Variants in MED12L observed in about 807,000 individuals in gnomAD.
The protein encoded by MED12L is mediator of RNA polymerase II transcription subunit 12-like protein.
A neutral mutation model predicts 281.3 loss-of-function variants in MED12L; 60 were observed. That is an observed-to-expected ratio of 0.21 (90% CI 0.17 to 0.26). The LOEUF is 0.26. Among genes scored for constraint, MED12L ranks in the 10% least tolerant of loss-of-function variants. The probability of loss-of-function intolerance (pLI) is 1.00; values close to 1 mark genes in which losing one functional copy is unlikely to be tolerated. For synonymous variants in MED12L, 974 were observed against 987.2 expected (o/e 0.99, Z 0.25); for missense variants, 2,146 against 2,680.9 (o/e 0.80, Z 4.41).
At chr3:151,324,562 A>G (rs930707967) in intron 16 of MED12L, among the ~76,000 whole-genome samples, 2 of 152,224 alleles carry the variant, frequency 1.3e-5, no homozygotes, top group Admixed American at 1.3e-4. Context: ...ATTCCTGCAG[A>G]TGGCAAGCTC....
At chr3:151,198,484 G>A in intron 16 of MED12L, 1 of 1,611,908 alleles carries the variant, frequency 6.2e-7, no homozygotes, top group Non-Finnish European at 8.5e-7. Context: ...CTTTAGGTGA[G>A]GCAAAAGTCT....
rs552295782 is a variant in MED12L at position 151,228,313 on chromosome 3, A to G, written c.2250+34647A>G. Among the ~76,000 whole-genome samples, 4 of 146,844 alleles carry G rather than the reference A, an allele frequency of 2.7e-5. No homozygotes were observed. In the East Asian group the frequency reaches 6.1e-4, roughly 22 times the overall value. ...TGTCTAAAATGAGGGGAGAAGTAGT[A>G]GCTACCTCAGCTACATCTAGGGTTC... On this transcript the variant is annotated intron_variant, in intron 16 of 44. Coordinates refer to ENST00000687756, the MANE Select transcript of MED12L (RefSeq NM_001393769.1).
chr3:151,429,462 G>A (rs562571095), intron 43 of MED12L, among the ~76,000 whole-genome samples: 2 of 152,280 alleles, frequency 1.3e-5, no homozygotes, highest in East Asian at 3.9e-4. Context: ...GAAGAGGGTT[G>A]GAGGAGGAGA....
chr3:151,397,912 A>C (rs1055439314), intron 39 of MED12L, among the ~76,000 whole-genome samples: 2 of 152,220 alleles, frequency 1.3e-5, no homozygotes, highest in African/African-American at 4.8e-5. Context: ...GGAATTCAGC[A>C]GATGCTTTTA....
chr3:151,318,955 C>T (rs1346502238), intron 16 of MED12L, among the ~76,000 whole-genome samples: 1 of 152,090 alleles, frequency 6.6e-6, no homozygotes, highest in Non-Finnish European at 1.5e-5. Flanking sequence ...TTTCCTTTCC[C>T]AATACCTCTG....
chr3:151,377,411 T>C (rs768252568), intron 30 of MED12L, among the ~76,000 whole-genome samples: 37 of 152,218 alleles, frequency 2.4e-4, no homozygotes, highest in Non-Finnish European at 4.7e-4. Flanking sequence ...TCAGGTTTGG[T>C]TCATGCTTTC....
intron 15 of MED12L, among the ~76,000 whole-genome samples, chr3:151,192,862 C>T (rs1448882938): frequency 6.6e-6 from 1 of 152,144 alleles, no homozygotes; most frequent in African/African-American, 2.4e-5. Flanking sequence ...TGGAACACTC[C>T]TGTCCTCCTG....
chr3:151,122,035 A>G (rs1713839743), intron 3 of MED12L, among the ~76,000 whole-genome samples: 1 of 152,058 alleles, frequency 6.6e-6, no homozygotes, highest in Non-Finnish European at 1.5e-5. Flanking sequence ...ATTTTTAGAT[A>G]TTACTTTGTT....
chr3:151,262,979 G>T (rs1739180417), intron 16 of MED12L, among the ~76,000 whole-genome samples: 1 of 152,112 alleles, frequency 6.6e-6, no homozygotes, highest in African/African-American at 2.4e-5. Context: ...GTTCTCTAGG[G>T]CATCTTAACA....
intron 2 of MED12L, among the ~76,000 whole-genome samples, chr3:151,094,373 G>A (rs953459279): frequency 2.6e-5 from 4 of 152,172 alleles, no homozygotes; most frequent in African/African-American, 9.7e-5. Flanking sequence ...CTCTTGAGCA[G>A]TGAAGGAAGG....
In MED12L at chr3:151,132,354, T is replaced by C. The variant is rs114193147; in HGVS notation, c.556+4370T>C. Among the ~76,000 whole-genome samples, 842 of 152,320 alleles carry C rather than the reference T, an allele frequency of 5.5e-3. 10 individuals are homozygous for C. Among genetic ancestry groups the C allele is most frequent in the African/African-American group, 0.019 (794 of 41,562 alleles). On this transcript the variant is annotated intron_variant, in intron 5 of 44. Transcript: ENST00000687756. ...TCTGTGTTGCCTTTGTCATGTTTTT[T>C]TAGTTGTCTTTAATCTAGAACAGTT...
chr3:151,248,707 A>G (rs1736249745), intron 16 of MED12L, among the ~76,000 whole-genome samples: 1 of 152,172 alleles, frequency 6.6e-6, no homozygotes. Context: ...GACTTGGTTT[A>G]TTACTTGAAT....
In MED12L at chr3:151,372,642, A is replaced by G. The variant is rs750683088; in HGVS notation, c.3740A>G (p.Asp1247Gly). ...TTCACCATGAGAGGTTTGCGATGTG[A>G]TGGGAATGCTGATGATATCTGGACT... ...DDFTMRGLRC[D>G]GNADDIWTAS... Residue 1247 changes from aspartate (D) to glycine (G), a missense_variant, in exon 27 of 45, where the codon GAT (aspartate) becomes GGT (glycine). Transcript: ENST00000687756. 72 of 1,613,820 alleles carry G rather than the reference A, an allele frequency of 4.5e-5. No homozygotes were observed. The highest frequency in any genetic ancestry group is 1.6e-4 in the Middle Eastern group (1 of 6,080).
intron 44 of MED12L, among the ~76,000 whole-genome samples, chr3:151,432,222 ATGCATG>A (rs1719614264): frequency 6.6e-6 from 1 of 152,204 alleles, no homozygotes; most frequent in Non-Finnish European, 1.5e-5. Context: ...TTGTTTCTGT[ATGCATG>A]TGCAGGCATG....
At chr3:151,207,233 T>A (rs1033855860) in intron 16 of MED12L, among the ~76,000 whole-genome samples, 1 of 152,158 alleles carries the variant, frequency 6.6e-6, no homozygotes, top group Non-Finnish European at 1.5e-5. Flanking sequence ...ATGTGAATAT[T>A]TCTTGATCAA....
intron 16 of MED12L, among the ~76,000 whole-genome samples, chr3:151,311,138 A>G (rs1747439152): frequency 6.6e-6 from 1 of 152,194 alleles, no homozygotes; most frequent in Non-Finnish European, 1.5e-5. Context: ...TTGCAATTTC[A>G]TATAGACTGT....
intron 5 of MED12L, among the ~76,000 whole-genome samples, chr3:151,141,189 T>TTTTTTTTTTTTG (rs1716959466): frequency 1.4e-5 from 2 of 138,048 alleles, no homozygotes; most frequent in Admixed American, 7.3e-5. Context: ...TTTTTTTTGT[T>TTTTTTTTTTTTG]TTTTTTTTTT....
chr3:151,378,822 T>G lies in MED12L; in HGVS notation c.4478+649T>G, dbSNP rs150216174. 5.9e-4 allele frequency among the ~76,000 whole-genome samples: 90 copies of G among 152,352 alleles called. 1 individual carries two copies. The highest frequency in any genetic ancestry group is 2.1e-3 in the African/African-American group (89 of 41,588). On this transcript the variant is annotated intron_variant, in intron 31 of 44. Transcript: ENST00000687756. ...AAAATATTTTAAGCACATAGATTTC[T>G]TGTCCACTAATGAATAATACTATAG...
intron 2 of MED12L, among the ~76,000 whole-genome samples, chr3:151,100,535 G>A (rs770780649): frequency 1.3e-5 from 2 of 152,226 alleles, no homozygotes; most frequent in Non-Finnish European, 2.9e-5. Context: ...AACTGTGGCT[G>A]AGGCAGTGCT....
Sources: gnomAD v4.1 joint callset for allele counts (sites outside exome capture counted in the v4.1 genomes callset) on GRCh38, gnomAD v4.1.1 for gene constraint, MANE v1.5 for transcripts, NCBI Gene and HGNC (gene_info 2026-07-23, HGNC 2026-07-21) for gene names.